Variants in SLC38A11 observed in about 807,000 individuals in gnomAD.
SLC38A11 encodes the protein putative sodium-coupled neutral amino acid transporter 11.
Under a neutral mutation model 49.4 loss-of-function variants are expected in SLC38A11, and 51 were observed. That is an observed-to-expected ratio of 1.03 (90% CI 0.83 to 1.30). The LOEUF is 1.30. Ranked by LOEUF, SLC38A11 falls within the 50% of genes most tolerant of loss-of-function variation. The pLI, the probability that SLC38A11 is intolerant of heterozygous loss-of-function variation, is 0.00. For missense variants in SLC38A11, 574 were observed against 556.2 expected, an observed-to-expected ratio of 1.03 and a Z score of -0.32; for synonymous variants, 203 against 192.9, an observed-to-expected ratio of 1.05 and a Z score of -0.43.
chr2:164,918,134 C>T (rs1685931538), intron 7 of SLC38A11, among the ~76,000 whole-genome samples: 1 of 150,540 alleles, frequency 6.6e-6, no homozygotes. Flanking sequence ...TATGAGATTG[C>T]TGAAACTTTG....
intron 3 of SLC38A11, among the ~76,000 whole-genome samples, chr2:164,947,222 C>T (rs1377392904): frequency 7.0e-6 from 1 of 141,994 alleles, no homozygotes; most frequent in Admixed American, 7.4e-5. Flanking sequence ...ACTTCCGCCT[C>T]CTGGGTTCAA....
At chr2:164,915,456 C>A (rs1165340345) in intron 8 of SLC38A11, 183 bp from the exon 9 acceptor site, 2 of 557,188 alleles carry the variant, frequency 3.6e-6, no homozygotes, top group Admixed American at 3.5e-5. Flanking sequence ...TCATTCACAT[C>A]AGGCTTATGT....
intron 11 of SLC38A11, among the ~76,000 whole-genome samples, chr2:164,908,343 G>A (rs1685160578): frequency 6.6e-6 from 1 of 152,018 alleles, no homozygotes; most frequent in Non-Finnish European, 1.5e-5. Context: ...ATTTTTTGCT[G>A]TGAGAGACCT....
At chr2:164,938,918 A>G (rs2105499414) in intron 6 of SLC38A11, among the ~76,000 whole-genome samples, 1 of 152,272 alleles carries the variant, frequency 6.6e-6, no homozygotes, top group South Asian at 2.1e-4. Context: ...AATTGTTTTC[A>G]TTAGAAGAGT....
intron 3 of SLC38A11, among the ~76,000 whole-genome samples, chr2:164,950,942 A>AT (rs1026232551): frequency 1.3e-5 from 2 of 151,790 alleles, no homozygotes; most frequent in African/African-American, 2.4e-5. Context: ...ATCAGCCTAT[A>AT]TTTTTTTTCA....
At chr2:164,905,601 G>A (rs891924407) in intron 11 of SLC38A11, among the ~76,000 whole-genome samples, 4 of 152,048 alleles carry the variant, frequency 2.6e-5, no homozygotes, top group African/African-American at 9.7e-5. Context: ...ACGTTCTTAC[G>A]CACACCAAAA....
intron 11 of SLC38A11, among the ~76,000 whole-genome samples, chr2:164,906,147 C>T (rs1395987272): frequency 1.3e-5 from 2 of 152,086 alleles, no homozygotes; most frequent in African/African-American, 2.4e-5. Flanking sequence ...AATGTTCAGG[C>T]AGATAATAAA....
In SLC38A11 at chr2:164,933,631, C is replaced by T. The variant is rs370487140; in HGVS notation, c.617+3719G>A. On this transcript the variant is annotated intron_variant, in intron 7 of 11. Coordinates refer to ENST00000685975, the MANE Select transcript of SLC38A11 (RefSeq NM_001351537.2). ...TGGGTTTAAAGATCTTTTTCAAACA[C>T]CACTTTAAAAGACCTATGAAAAAAC... Among the ~76,000 whole-genome samples the T allele has an allele frequency of 2.4e-4, 37 of 152,142 alleles. 2 individuals are homozygous for T. The South Asian group carries it at 7.3e-3, about 30-fold the overall frequency.
chr2:164,907,915 C>T (rs1685128354), intron 11 of SLC38A11: 1 of 152,094 alleles, frequency 6.6e-6, no homozygotes, highest in South Asian at 2.1e-4. Flanking sequence ...TAGTTTTACA[C>T]AGAAGACAAG....
intron 10 of SLC38A11, among the ~76,000 whole-genome samples, chr2:164,910,023 TG>T (rs968116099): frequency 5.3e-5 from 8 of 152,244 alleles, no homozygotes; most frequent in African/African-American, 1.9e-4. Context: ...AAGAGATATT[TG>T]TTAAGGGTAG....
intron 11 of SLC38A11, among the ~76,000 whole-genome samples, chr2:164,902,303 G>T (rs1458885759): frequency 6.6e-6 from 1 of 151,982 alleles, no homozygotes; most frequent in Non-Finnish European, 1.5e-5. Flanking sequence ...TTACAGGTGT[G>T]AGCCACCGCA....
intron 11 of SLC38A11, 25 bp downstream of exon 11, chr2:164,908,615 G>T (rs570238803): frequency 4.8e-6 from 7 of 1,467,390 alleles, no homozygotes; most frequent in Non-Finnish European, 6.4e-6. Context: ...TTAGAGTGAA[G>T]GGGTAAATCT....
intron 5 of SLC38A11, among the ~76,000 whole-genome samples, chr2:164,940,230 A>T (rs989166569): frequency 2.4e-3 from 6 of 2,452 alleles, no homozygotes; most frequent in African/African-American, 4.4e-3. Context: ...AGAAAATTTT[A>T]TATATATATA....
chr2:164,907,914 A>T (rs914553500), intron 11 of SLC38A11: 1 of 152,320 alleles, frequency 6.6e-6, no homozygotes, highest in African/African-American at 2.4e-5. Flanking sequence ...ATAGTTTTAC[A>T]CAGAAGACAA....
intron 6 of SLC38A11, among the ~76,000 whole-genome samples, chr2:164,938,077 T>C (rs1687500680): frequency 6.6e-6 from 1 of 152,134 alleles, no homozygotes; most frequent in Non-Finnish European, 1.5e-5. Context: ...TATGCTAGGT[T>C]TGTGTGCCTA....
In SLC38A11 at chr2:164,939,466, A is replaced by G. The variant is rs767001646; in HGVS notation, c.521T>C (p.Ile174Thr). The G allele has an allele frequency of 4.4e-6, 7 of 1,606,566 alleles. No individual in the cohort carries two copies. Among genetic ancestry groups the G allele is most frequent in the Non-Finnish European group, 4.3e-6 (5 of 1,175,730 alleles). The change falls in exon 6 of 12, where the codon ATA (isoleucine) becomes ACA (threonine). Residue 174 changes from isoleucine (I) to threonine (T), a missense_variant. Coordinates refer to ENST00000685975, the MANE Select transcript of SLC38A11 (RefSeq NM_001351537.2). The stretch of plus-strand genomic sequence containing the variant: ...AAAAATTACCTTTCCAAGCTTTGCT[A>G]TATTTCGGTACAAGGATAAAGGCAG... ...FTLPLSLYRN[I>T]AKLGKVSLIS...
intron 7 of SLC38A11, among the ~76,000 whole-genome samples, chr2:164,923,939 A>T (rs2105475704): frequency 6.6e-6 from 1 of 152,328 alleles, no homozygotes; most frequent in African/African-American, 2.4e-5. Flanking sequence ...CAGAACTACC[A>T]TTCAACCAAG....
chr2:164,904,811 T>C (rs533010501), intron 11 of SLC38A11, among the ~76,000 whole-genome samples: 1 of 152,302 alleles, frequency 6.6e-6, no homozygotes, highest in South Asian at 2.1e-4. Flanking sequence ...ACTCAATGCA[T>C]AGATTTTATA....
rs537043129 is a variant in SLC38A11 at position 164,895,883 on chromosome 2, C to T, written c.*2554G>A. The T allele has an allele frequency of 3.9e-5, 6 of 152,216 alleles. No homozygotes were observed. The East Asian group carries it at 9.7e-4, about 24-fold the overall frequency. 9.4% of individuals were successfully genotyped at this position (152,216 alleles called of 1,614,324 possible). A position where few individuals can be genotyped will look rare whatever the true frequency, so the allele number is the denominator to read the frequency against. Reference sequence around the variant, plus strand: ...ATTTCTAAATTACACAGATGCTATCCAACTTATATCCTTAAAGGAAGTGTA... The same window carrying T: ...ATTTCTAAATTACACAGATGCTATCTAACTTATATCCTTAAAGGAAGTGTA... On this transcript the variant is annotated 3_prime_UTR_variant, in exon 12 of 12. Transcript: ENST00000685975.
Sources: gnomAD v4.1 joint callset for allele counts (sites outside exome capture counted in the v4.1 genomes callset) on GRCh38, gnomAD v4.1.1 for gene constraint, MANE v1.5 for transcripts, NCBI Gene and HGNC (gene_info 2026-07-23, HGNC 2026-07-21) for gene names.